SCMH1: variants seen among roughly 807,000 people sequenced by gnomAD.
The protein encoded by SCMH1 is polycomb protein SCMH1.
In SCMH1, 37 loss-of-function variants were observed where a neutral mutation model predicts 70.8. That is an observed-to-expected ratio of 0.52 (90% CI 0.40 to 0.69). The LOEUF (loss-of-function observed/expected upper bound fraction) is 0.69. Ranked by LOEUF, SCMH1 falls within the 30% of genes least tolerant of loss-of-function variation. The pLI, the probability that SCMH1 is intolerant of heterozygous loss-of-function variation, is 0.00. For synonymous variants in SCMH1, 292 were observed against 307.4 expected (o/e 0.95, Z 0.52); for missense variants, 607 against 827.3 (o/e 0.73, Z 3.27).
At chr1:41,216,235 C>T (rs1299922914) in intron 1 of SCMH1, among the ~76,000 whole-genome samples, 1 of 152,204 alleles carries the variant, frequency 6.6e-6, no homozygotes, top group East Asian at 1.9e-4. Context: ...TATGGAGCAT[C>T]TTCTAAGAGA....
chr1:41,130,158 G>C (rs1674285560), intron 6 of SCMH1, among the ~76,000 whole-genome samples: 1 of 152,010 alleles, frequency 6.6e-6, no homozygotes, highest in Non-Finnish European at 1.5e-5. Flanking sequence ...CAAGTCCTTT[G>C]CTAATTTTTG....
chr1:41,081,085 A>T (rs1213411045), intron 8 of SCMH1, among the ~76,000 whole-genome samples: 1 of 152,224 alleles, frequency 6.6e-6, no homozygotes, highest in Non-Finnish European at 1.5e-5. Context: ...TAATATTTAA[A>T]AATCTAATGT....
intron 8 of SCMH1, among the ~76,000 whole-genome samples, chr1:41,112,928 C>A (rs1486174430): frequency 6.6e-6 from 1 of 152,118 alleles, no homozygotes; most frequent in African/African-American, 2.4e-5. Flanking sequence ...TTATCCAAAG[C>A]CCCTAAGGTC....
intron 8 of SCMH1, among the ~76,000 whole-genome samples, chr1:41,112,474 T>C (rs1669486108): frequency 6.6e-6 from 1 of 152,168 alleles, no homozygotes; most frequent in Admixed American, 6.5e-5. Context: ...TATCATTTTA[T>C]TGTTCATTTA....
At chr1:41,084,687 C>T (rs924677535) in intron 8 of SCMH1, among the ~76,000 whole-genome samples, 3 of 152,136 alleles carry the variant, frequency 2.0e-5, no homozygotes, top group Middle Eastern at 3.4e-3. Context: ...CGTATGTTTA[C>T]TGCAGCACTA....
At chr1:41,029,534 A>G (rs567697284) in intron 13 of SCMH1, among the ~76,000 whole-genome samples, 4 of 152,328 alleles carry the variant, frequency 2.6e-5, no homozygotes, top group Non-Finnish European at 5.9e-5. Context: ...AGGAATCTCA[A>G]TGTTAATTTA....
At chr1:41,082,518 G>A (rs1161913204) in intron 8 of SCMH1, among the ~76,000 whole-genome samples, 2 of 152,116 alleles carry the variant, frequency 1.3e-5, no homozygotes, top group Non-Finnish European at 2.9e-5. Flanking sequence ...CAAATGCTAA[G>A]AGATTTTGTC....
rs887402667 is a variant in SCMH1 at position 41,158,024 on chromosome 1, C to T, written c.106+2851G>A. Among the ~76,000 whole-genome samples the T allele has an allele frequency of 9.9e-5, 15 of 152,100 alleles. No individual in the cohort carries two copies. The South Asian group carries it at 1.2e-3, about 13-fold the overall frequency. On this transcript the variant is annotated intron_variant, in intron 4 of 14. Transcript: ENST00000337495. ...TCTTTCTTGGACTAATAAAATAATA[C>T]CTGGGATATAGTTCTGAAAACTACA... is the stretch of plus-strand genomic sequence containing the variant.
intron 5 of SCMH1, among the ~76,000 whole-genome samples, chr1:41,146,071 T>A (rs945674351): frequency 6.6e-6 from 1 of 152,146 alleles, no homozygotes. Flanking sequence ...CCATAGGAGA[T>A]TACAGCTCCA....
intron 8 of SCMH1, among the ~76,000 whole-genome samples, chr1:41,105,103 C>T (rs1667570983): frequency 6.6e-6 from 1 of 151,838 alleles, no homozygotes; most frequent in Admixed American, 6.6e-5. Flanking sequence ...TTACAGATGC[C>T]CACCATCATG....
intron 8 of SCMH1, among the ~76,000 whole-genome samples, chr1:41,094,987 C>T (rs1664690007): frequency 2.0e-5 from 3 of 152,048 alleles, no homozygotes; most frequent in Admixed American, 1.3e-4. Context: ...TAAAACAATA[C>T]CTCCAACCCA....
chr1:41,046,063 G>C (rs1354659928), intron 12 of SCMH1, among the ~76,000 whole-genome samples: 1 of 152,050 alleles, frequency 6.6e-6, no homozygotes, highest in Non-Finnish European at 1.5e-5. Context: ...ATGTGTGTTA[G>C]GCCTTTGCTG....
chr1:41,226,617 T>G (rs1258682606), intron 1 of SCMH1, among the ~76,000 whole-genome samples: 1 of 152,080 alleles, frequency 6.6e-6, no homozygotes, highest in Admixed American at 6.5e-5. Flanking sequence ...TTAATATTAT[T>G]TATTATATAT....
intron 12 of SCMH1, 113 bp downstream of exon 12, chr1:41,046,294 C>T (rs1336856848): frequency 2.4e-6 from 2 of 821,682 alleles, no homozygotes; most frequent in Non-Finnish European, 3.9e-6. Flanking sequence ...AAAAGCAGAC[C>T]TCTAGATAGT....
intron 12 of SCMH1, among the ~76,000 whole-genome samples, chr1:41,041,726 T>A (rs984584485): frequency 7.2e-5 from 11 of 152,162 alleles, no homozygotes; most frequent in Non-Finnish European, 1.6e-4. Context: ...AATCTTGGGA[T>A]TTGGGCAGGA....
intron 10 of SCMH1, among the ~76,000 whole-genome samples, chr1:41,053,721 C>G (rs1282203820): frequency 6.6e-6 from 1 of 152,204 alleles, no homozygotes; most frequent in East Asian, 1.9e-4. Context: ...AAGGCTGACA[C>G]ACATGGCATT....
intron 12 of SCMH1, among the ~76,000 whole-genome samples, chr1:41,039,905 T>C (rs1189170016): frequency 6.6e-6 from 1 of 151,918 alleles, no homozygotes; most frequent in Non-Finnish European, 1.5e-5. Flanking sequence ...TTTTATGCAC[T>C]GGAGTGTATA....
intron 2 of SCMH1, among the ~76,000 whole-genome samples, chr1:41,176,595 G>A (rs976889012): frequency 5.3e-5 from 8 of 152,212 alleles, no homozygotes; most frequent in African/African-American, 1.9e-4. Context: ...GGCACACCAG[G>A]AGATTATATC....
intron 2 of SCMH1, among the ~76,000 whole-genome samples, chr1:41,165,563 T>C (rs911232735): frequency 1.3e-5 from 2 of 152,158 alleles, no homozygotes; most frequent in African/African-American, 4.8e-5. Context: ...TTCATCTTTT[T>C]GATAAGAGCC....
Sources: allele counts gnomAD v4.1 joint callset (sites outside exome capture counted in the v4.1 genomes callset), GRCh38; gene constraint gnomAD v4.1.1; transcripts MANE v1.5; gene names NCBI Gene and HGNC (gene_info 2026-07-23, HGNC 2026-07-21).